The following KIF26B variants were observed in gnomAD, a reference collection of about 807,000 sequenced individuals.
KIF26B encodes kinesin family member 26B.
KIF26B carries 63 observed loss-of-function variants against 151.2 expected under a neutral mutation model. That is an observed-to-expected ratio of 0.42 (90% confidence interval 0.34 to 0.51). KIF26B has a LOEUF of 0.51. Ranked by LOEUF, KIF26B falls within the 20% of genes least tolerant of loss-of-function variation. KIF26B has a pLI of 0.07. For synonymous variants in KIF26B, 1,357 were observed against 1,262.1 expected, an observed-to-expected ratio of 1.08 and a Z score of -1.59; for missense variants, 2,813 against 2,913.6, an observed-to-expected ratio of 0.97 and a Z score of 0.79.
Position 245,602,821 on chromosome 1 carries a change from A to G in KIF26B, c.1557+38A>G. 6.3e-7 allele frequency: 1 copy of G among 1,583,360 alleles called. No individual in the cohort carries two copies. Among genetic ancestry groups the G allele is most frequent in the Non-Finnish European group, 8.7e-7 (1 of 1,153,518 alleles). Reference sequence around the variant, plus strand: ...CCCCTCTCAGGCTCAGGCAACGTTGATGAAAGGGCAACGTTTACTCATTCA... The same window carrying G: ...CCCCTCTCAGGCTCAGGCAACGTTGGTGAAAGGGCAACGTTTACTCATTCA... On this transcript the variant is annotated intron_variant, in intron 6 of 14. Transcript: ENST00000407071. The surrounding 1 kb of genome is among the most constrained non-coding windows in gnomAD (Gnocchi z 4.5).
At chr1:245,183,866 G>A (rs145195454) in intron 2 of KIF26B, among the ~76,000 whole-genome samples, 25 of 152,088 alleles carry the variant, frequency 1.6e-4, no homozygotes, top group Non-Finnish European at 3.2e-4. Context: ...AATGGCACCA[G>A]GGCACAGCTG....
intron 2 of KIF26B, among the ~76,000 whole-genome samples, chr1:245,171,365 A>C (rs1010099879): frequency 5.3e-5 from 8 of 152,312 alleles, no homozygotes; most frequent in South Asian, 2.1e-4. Context: ...AACATGGTGA[A>C]ACCCCGTCTC....
chr1:245,606,551 C>T lies in KIF26B; in HGVS notation c.1558-1100C>T, dbSNP rs1414615829. On this transcript the variant is annotated intron_variant, in intron 6 of 14. Coordinates refer to ENST00000407071, the MANE Select transcript of KIF26B (RefSeq NM_018012.4). The surrounding 1 kb of genome is among the most constrained non-coding windows in gnomAD (Gnocchi z 4.6). ...AGATCTCCAAGTTAGTCCACAAAACCGACAGCTCTGATGGCTCGCAGAGCT... is the reference window on the plus strand; with the variant it reads ...AGATCTCCAAGTTAGTCCACAAAACTGACAGCTCTGATGGCTCGCAGAGCT... Among the ~76,000 whole-genome samples the T allele has an allele frequency of 1.3e-5, 2 of 152,190 alleles. No homozygotes were observed. Among genetic ancestry groups the T allele is most frequent in the East Asian group, 1.9e-4 (1 of 5,198 alleles).
At chr1:245,696,208 ACTGCACCTT>A (rs2044691023) in intron 12 of KIF26B, among the ~76,000 whole-genome samples, 1 of 152,240 alleles carries the variant, frequency 6.6e-6, no homozygotes, top group Non-Finnish European at 1.5e-5. Flanking sequence ...TATAAAAGAC[ACTGCACCTT>A]CTGTGCTGGG....
chr1:245,410,440 A>ATC (rs928052443), intron 3 of KIF26B, among the ~76,000 whole-genome samples: 7 of 151,442 alleles, frequency 4.6e-5, no homozygotes, highest in African/African-American at 1.7e-4. Context: ...GTGTTGTGGG[A>ATC]TTCTCTCTCT....
At chr1:245,677,311 C>T (rs148475721) in intron 10 of KIF26B, among the ~76,000 whole-genome samples, 12 of 152,320 alleles carry the variant, frequency 7.9e-5, no homozygotes, top group African/African-American at 2.9e-4. Context: ...AGCATGCATG[C>T]TGGCCTCGGC....
At chr1:245,614,504 T>C (rs192863487) in intron 9 of KIF26B, among the ~76,000 whole-genome samples, 4 of 152,318 alleles carry the variant, frequency 2.6e-5, no homozygotes, top group African/African-American at 9.6e-5. Flanking sequence ...CCTGGAGGCT[T>C]GGTTCCTACC....
At chr1:245,160,419 G>T (rs1338010379) in intron 2 of KIF26B, among the ~76,000 whole-genome samples, 1 of 152,184 alleles carries the variant, frequency 6.6e-6, no homozygotes, top group East Asian at 1.9e-4. Flanking sequence ...CATCTTTCCT[G>T]CTTTGTACAC....
chr1:245,339,371 T>C (rs1199987380), intron 2 of KIF26B, among the ~76,000 whole-genome samples: 1 of 152,230 alleles, frequency 6.6e-6, no homozygotes, highest in East Asian at 1.9e-4. Flanking sequence ...TGTACGGATG[T>C]GGCTGATACC....
At chr1:245,584,677 T>C (rs1394810826) in intron 5 of KIF26B, among the ~76,000 whole-genome samples, 1 of 152,180 alleles carries the variant, frequency 6.6e-6, no homozygotes, top group Non-Finnish European at 1.5e-5. Flanking sequence ...GAAGAGTTGG[T>C]TTGGATTCTA....
intron 4 of KIF26B, among the ~76,000 whole-genome samples, chr1:245,499,557 GATAA>G (rs1487581911): frequency 3.3e-5 from 5 of 152,228 alleles, no homozygotes; most frequent in Non-Finnish European, 7.3e-5. Flanking sequence ...CTAGCCCATA[GATAA>G]ATAGACAACT....
intron 2 of KIF26B, among the ~76,000 whole-genome samples, chr1:245,162,533 C>G (rs1477677000): frequency 1.3e-5 from 2 of 151,822 alleles, no homozygotes. Context: ...CTACAGGCGC[C>G]CGCCACCACG....
intron 4 of KIF26B, among the ~76,000 whole-genome samples, chr1:245,432,406 A>C (rs1310126730): frequency 6.6e-6 from 1 of 152,136 alleles, no homozygotes; most frequent in Non-Finnish European, 1.5e-5. Context: ...TCATTTCAAG[A>C]TGAGGATTTG....
intron 2 of KIF26B, among the ~76,000 whole-genome samples, chr1:245,248,135 C>T (rs543691927): frequency 2.0e-5 from 3 of 151,420 alleles, no homozygotes; most frequent in East Asian, 1.9e-4. Context: ...TTTTTTCCCT[C>T]GGTGTGATAA....
chr1:245,254,003 G>C lies in KIF26B; in HGVS notation c.465+97320G>C, dbSNP rs547444786. ...TTTTTTGTATTTTTAGTAGAGATGGGGTTTCACCGTGTTAGCCAGGATGGT... is the reference window on the plus strand; with the variant it reads ...TTTTTTGTATTTTTAGTAGAGATGGCGTTTCACCGTGTTAGCCAGGATGGT... On this transcript the variant is annotated intron_variant, in intron 2 of 14. Transcript: ENST00000407071. Among the ~76,000 whole-genome samples the C allele has an allele frequency of 2.0e-5, 3 of 151,560 alleles. No individual in the cohort carries two copies. In the East Asian group the frequency reaches 5.8e-4, roughly 29 times the overall value.
At chr1:245,603,161 T>G (rs1476918247) in intron 6 of KIF26B, among the ~76,000 whole-genome samples, 2 of 151,754 alleles carry the variant, frequency 1.3e-5, no homozygotes, top group Non-Finnish European at 2.9e-5. Context: ...AAAAAGTGTT[T>G]CAGGGAGCTG....
At chr1:245,634,649 A>G (rs1264046767) in intron 9 of KIF26B, among the ~76,000 whole-genome samples, 4 of 152,020 alleles carry the variant, frequency 2.6e-5, no homozygotes, top group African/African-American at 9.7e-5. Flanking sequence ...TTGTTAATCA[A>G]CCTTGCATTC....
chr1:245,544,319 C>G (rs973133248), intron 5 of KIF26B, among the ~76,000 whole-genome samples: 21 of 152,100 alleles, frequency 1.4e-4, no homozygotes, highest in African/African-American at 4.8e-4. Flanking sequence ...TTCCCAAAAG[C>G]AAGTTGATTG....
chr1:245,476,609 C>T (rs1182886848), intron 4 of KIF26B, among the ~76,000 whole-genome samples: 1 of 151,480 alleles, frequency 6.6e-6, no homozygotes, highest in African/African-American at 2.4e-5. Flanking sequence ...GACCTTGGCT[C>T]ACTGCAGCCT....
Sources: allele counts gnomAD v4.1 joint callset (sites outside exome capture counted in the v4.1 genomes callset), GRCh38; gene constraint gnomAD v4.1.1; non-coding constraint Gnocchi (gnomAD v3.1); transcripts MANE v1.5; gene names NCBI Gene and HGNC (gene_info 2026-07-23, HGNC 2026-07-21).